The following DLG2 variants were observed in gnomAD, a reference collection of about 807,000 sequenced individuals.
DLG2 encodes the protein discs large MAGUK scaffold protein 2.
In DLG2, 45 loss-of-function variants were observed where a neutral mutation model predicts 132.5. The observed-to-expected ratio is 0.34, with a 90% confidence interval of 0.27 to 0.44. The LOEUF (loss-of-function observed/expected upper bound fraction) is 0.44. Among genes scored for constraint, DLG2 ranks in the 20% least tolerant of loss-of-function variants. The pLI is 1.00. For synonymous variants in DLG2, 424 were observed against 419.6 expected, an observed-to-expected ratio of 1.01 and a Z score of -0.13; for missense variants, 1,045 against 1,196.9, an observed-to-expected ratio of 0.87 and a Z score of 1.87.
chr11:83,905,318 TTTG>T (rs2074447284), intron 15 of DLG2, among the ~76,000 whole-genome samples: 1 of 152,114 alleles, frequency 6.6e-6, no homozygotes, highest in Non-Finnish European at 1.5e-5. Flanking sequence ...TTCTCTCACT[TTTG>T]ATCTGATTCT....
At chr11:84,103,647 T>C (rs955767171) in intron 9 of DLG2, among the ~76,000 whole-genome samples, 2 of 152,112 alleles carry the variant, frequency 1.3e-5, no homozygotes, top group African/African-American at 2.4e-5. Context: ...ACAAACCCAT[T>C]TTCTAGCCAA....
chr11:84,327,666 T>G (rs2098439180), intron 7 of DLG2, among the ~76,000 whole-genome samples: 1 of 152,232 alleles, frequency 6.6e-6, no homozygotes, highest in Admixed American at 6.5e-5. Context: ...AAGCTGATAA[T>G]AACTTAACTT....
intron 6 of DLG2, among the ~76,000 whole-genome samples, chr11:84,658,542 A>C (rs530133252): frequency 2.4e-4 from 36 of 152,244 alleles, no homozygotes; most frequent in African/African-American, 8.7e-4. Flanking sequence ...CCAATGCTAA[A>C]GGTAGGGTCT....
intron 21 of DLG2, among the ~76,000 whole-genome samples, chr11:83,490,093 G>C (rs1278273840): frequency 6.6e-6 from 1 of 151,954 alleles, no homozygotes; most frequent in Non-Finnish European, 1.5e-5. Flanking sequence ...TTCCACAAAA[G>C]AACCTAGAAT....
intron 11 of DLG2, among the ~76,000 whole-genome samples, chr11:84,037,340 T>G (rs544617690): frequency 1.3e-5 from 2 of 152,200 alleles, no homozygotes; most frequent in African/African-American, 2.4e-5. Flanking sequence ...CATGAACACC[T>G]GGGAAAGAAT....
intron 16 of DLG2, among the ~76,000 whole-genome samples, chr11:83,837,851 T>G (rs1197260007): frequency 6.6e-6 from 1 of 152,150 alleles, no homozygotes; most frequent in Admixed American, 6.5e-5. Flanking sequence ...TTTGTGTTTT[T>G]CTACTCAAGG....
chr11:83,919,886 T>C (rs899226650), intron 15 of DLG2, among the ~76,000 whole-genome samples: 1 of 152,228 alleles, frequency 6.6e-6, no homozygotes, highest in Non-Finnish European at 1.5e-5. Flanking sequence ...TTAGATGAAT[T>C]TGAAGGAGAT....
At chr11:84,413,018 G>A (rs1452382562) in intron 7 of DLG2, among the ~76,000 whole-genome samples, 2 of 152,124 alleles carry the variant, frequency 1.3e-5, no homozygotes, top group Non-Finnish European at 2.9e-5. Flanking sequence ...TTCTGGTACA[G>A]ACAATTTGAA....
chr11:84,191,386 A>G (rs1472806748), intron 8 of DLG2, among the ~76,000 whole-genome samples: 1 of 152,206 alleles, frequency 6.6e-6, no homozygotes, highest in African/African-American at 2.4e-5. Context: ...ATCAGAAAGA[A>G]AAATAATTTG....
At position 85,235,733 on chromosome 11, in the gene DLG2, T is replaced by C. The variant is rs2075551579; in HGVS notation, c.186+49487A>G. On this transcript the variant is annotated intron_variant, in intron 4 of 27. Coordinates refer to ENST00000376104, the MANE Select transcript of DLG2 (RefSeq NM_001142699.3). ...GTACTTAAAAGTTATTTAAGAAGATTTGAAGTAGAAAGTAGAATAGTAGGA... is the reference window on the plus strand; with the variant it reads ...GTACTTAAAAGTTATTTAAGAAGATCTGAAGTAGAAAGTAGAATAGTAGGA... Among the ~76,000 whole-genome samples the C allele has an allele frequency of 2.6e-5, 4 of 151,884 alleles. No homozygotes were observed. In the Admixed American group the frequency reaches 2.6e-4, roughly 10 times the overall value.
At chr11:84,960,390 G>C (rs1207297651) in intron 6 of DLG2, among the ~76,000 whole-genome samples, 1 of 151,416 alleles carries the variant, frequency 6.6e-6, no homozygotes, top group Non-Finnish European at 1.5e-5. Flanking sequence ...TCTTATATTT[G>C]AATATAATTC....
intron 6 of DLG2, among the ~76,000 whole-genome samples, chr11:84,602,931 G>T (rs2099579200): frequency 6.6e-6 from 1 of 151,950 alleles, no homozygotes. Context: ...CAAACTAAAT[G>T]ATAGACATGA....
intron 6 of DLG2, among the ~76,000 whole-genome samples, chr11:84,589,735 T>C (rs2099538494): frequency 1.3e-5 from 2 of 152,346 alleles, no homozygotes; most frequent in East Asian, 3.9e-4. Flanking sequence ...ACAGGGGTCA[T>C]GTCTTAATCA....
intron 6 of DLG2, chr11:84,545,590 T>A (rs1474560701): frequency 1.2e-4 from 44 of 364,212 alleles, no homozygotes; most frequent in Non-Finnish European, 6.5e-5. Flanking sequence ...AACTTCACAG[T>A]TGTGGCCATT....
intron 3 of DLG2, among the ~76,000 whole-genome samples, chr11:85,577,939 C>A (rs2078257699): frequency 6.6e-6 from 1 of 152,010 alleles, no homozygotes; most frequent in African/African-American, 2.4e-5. Context: ...CCAAGGCAAC[C>A]CTAAGCAAAA....
At chr11:84,983,452 A>G (rs892343077) in intron 6 of DLG2, among the ~76,000 whole-genome samples, 1 of 152,164 alleles carries the variant, frequency 6.6e-6, no homozygotes, top group Non-Finnish European at 1.5e-5. Context: ...GAGTACTAAT[A>G]CATCAAGGAA....
At chr11:83,927,592 T>C (rs2079213737) in intron 15 of DLG2, among the ~76,000 whole-genome samples, 1 of 152,050 alleles carries the variant, frequency 6.6e-6, no homozygotes, top group Non-Finnish European at 1.5e-5. Context: ...AAGAGTGAAA[T>C]GAGGTATCCA....
chr11:83,510,506 G>C (rs1010807384), intron 21 of DLG2, among the ~76,000 whole-genome samples: 3 of 152,102 alleles, frequency 2.0e-5, no homozygotes, highest in African/African-American at 7.2e-5. Flanking sequence ...TGCAAATAGA[G>C]GCAAATCCAT....
intron 9 of DLG2, among the ~76,000 whole-genome samples, chr11:84,152,014 C>T (rs1189331864): frequency 6.6e-6 from 1 of 152,130 alleles, no homozygotes; most frequent in Non-Finnish European, 1.5e-5. Flanking sequence ...GAAGAATGTA[C>T]TTTCTATCAA....
Sources: gnomAD v4.1 joint callset for allele counts (sites outside exome capture counted in the v4.1 genomes callset) on GRCh38, gnomAD v4.1.1 for gene constraint, MANE v1.5 for transcripts, NCBI Gene and HGNC (gene_info 2026-07-23, HGNC 2026-07-21) for gene names.